Variants in CCSER2 observed in about 807,000 individuals in gnomAD.
The protein encoded by CCSER2 is serine-rich coiled-coil domain-containing protein 2.
CCSER2 carries 46 observed loss-of-function variants against 92.3 expected under a neutral mutation model. The ratio of observed to expected loss-of-function variants is 0.50; its 90% CI spans 0.39 to 0.64. The LOEUF (loss-of-function observed/expected upper bound fraction) is 0.64, where lower values mean the gene tolerates loss of function less well. Among genes scored for constraint, CCSER2 ranks in the 30% least tolerant of loss-of-function variants. The probability of loss-of-function intolerance (pLI) is 0.00; values close to 1 mark genes in which losing one functional copy is unlikely to be tolerated. For synonymous variants in CCSER2, 433 were observed against 431.4 expected, an observed-to-expected ratio of 1.00 and a Z score of -0.04; for missense variants, 1,244 against 1,238.9, an observed-to-expected ratio of 1.00 and a Z score of -0.06.
intron 6 of CCSER2, among the ~76,000 whole-genome samples, chr10:84,442,936 C>A (rs919344341): frequency 1.3e-5 from 2 of 152,184 alleles, no homozygotes; most frequent in African/African-American, 4.8e-5. Context: ...GGAAAACTGG[C>A]TAGCCATATG....
rs184742021 is a variant in CCSER2 at position 84,486,477 on chromosome 10, C to T, written c.2325+8813C>T. Among the ~76,000 whole-genome samples the T allele has an allele frequency of 2.7e-3, 411 of 152,308 alleles. 3 individuals carry two copies. The highest frequency in any genetic ancestry group is 9.1e-3 in the African/African-American group (378 of 41,582). On this transcript the variant is annotated intron_variant, in intron 9 of 9. Coordinates refer to ENST00000372088, the MANE Select transcript of CCSER2 (RefSeq NM_001284240.2). ...GGTATCTCATTGTGGTTTTGATTTG[C>T]ATTTCTGTGATGGCCAGTGATGATG...
chr10:84,453,964 G>A (rs567765583), intron 6 of CCSER2, among the ~76,000 whole-genome samples: 1 of 152,026 alleles, frequency 6.6e-6, no homozygotes, highest in South Asian at 2.1e-4. Context: ...CTTTTTACTT[G>A]CTTTTAGCTG....
At chr10:84,488,058 G>A (rs1035692079) in intron 9 of CCSER2, among the ~76,000 whole-genome samples, 7 of 152,152 alleles carry the variant, frequency 4.6e-5, no homozygotes, top group Admixed American at 6.6e-5. Flanking sequence ...ATTTGCGTAT[G>A]TTGAACCAGC....
chr10:84,489,305 GTCTCATTGA>G (rs1848002046), intron 9 of CCSER2, among the ~76,000 whole-genome samples: 1 of 152,122 alleles, frequency 6.6e-6, no homozygotes, highest in Admixed American at 6.5e-5. Flanking sequence ...TTAACTTTCT[GTCTCATTGA>G]TCTGTCTAAG....
intron 6 of CCSER2, among the ~76,000 whole-genome samples, chr10:84,459,478 T>A (rs1845969621): frequency 6.6e-6 from 1 of 152,166 alleles, no homozygotes; most frequent in Non-Finnish European, 1.5e-5. Context: ...TGTTTCACCA[T>A]TAAATATGAT....
chr10:84,452,018 T>C (rs1434707464), intron 6 of CCSER2, among the ~76,000 whole-genome samples: 2 of 152,214 alleles, frequency 1.3e-5, no homozygotes, highest in Non-Finnish European at 2.9e-5. Flanking sequence ...TGTTCATCTA[T>C]ATACCTTTGT....
intron 3 of CCSER2, among the ~76,000 whole-genome samples, chr10:84,375,054 TAGG>T (rs1846254846): frequency 1.3e-5 from 2 of 152,148 alleles, no homozygotes; most frequent in Admixed American, 6.6e-5. Context: ...GCTGTCTTAC[TAGG>T]AGTTTTAAGG....
chr10:84,339,000 T>C (rs929187010), intron 1 of CCSER2, among the ~76,000 whole-genome samples: 1 of 152,214 alleles, frequency 6.6e-6, no homozygotes, highest in South Asian at 2.1e-4. Flanking sequence ...CACTGATCCA[T>C]GCCCCAAGTT....
At chr10:84,435,408 A>T (rs1440110291) in intron 5 of CCSER2, among the ~76,000 whole-genome samples, 1 of 152,184 alleles carries the variant, frequency 6.6e-6, no homozygotes, top group African/African-American at 2.4e-5. Context: ...TCCATACCTG[A>T]TTCTCATGGC....
chr10:84,494,920 T>C (rs1589812558), intron 9 of CCSER2, among the ~76,000 whole-genome samples: 1 of 151,946 alleles, frequency 6.6e-6, no homozygotes, highest in South Asian at 2.1e-4. Flanking sequence ...GAAAATGAGT[T>C]TATTAGAGAA....
At chr10:84,386,380 TGTG>T (rs1008663407) in intron 3 of CCSER2, among the ~76,000 whole-genome samples, 3 of 152,084 alleles carry the variant, frequency 2.0e-5, no homozygotes, top group African/African-American at 7.2e-5. Context: ...ATAAAGAAAA[TGTG>T]GTGTATATAC....
At chr10:84,347,723 G>A (rs1844599235) in intron 1 of CCSER2, among the ~76,000 whole-genome samples, 1 of 148,630 alleles carries the variant, frequency 6.7e-6, no homozygotes, top group Non-Finnish European at 1.5e-5. Flanking sequence ...GGGCGGAGGG[G>A]CTCCTCACTT....
At chr10:84,436,559 C>T (rs565798000) in intron 5 of CCSER2, among the ~76,000 whole-genome samples, 1 of 149,690 alleles carries the variant, frequency 6.7e-6, no homozygotes, top group East Asian at 2.0e-4. Context: ...GGCATGAATC[C>T]CCGAGGCGGA....
At chr10:84,470,550 A>T (rs1345442921) in intron 8 of CCSER2, 92 bp downstream of exon 8, 8 of 1,115,974 alleles carry the variant, frequency 7.2e-6, no homozygotes, top group Non-Finnish European at 9.3e-6. Context: ...GTTTAGCTTT[A>T]TTTTTGGCTC....
At chr10:84,331,456 C>T (rs1843559021) in intron 1 of CCSER2, among the ~76,000 whole-genome samples, 1 of 152,166 alleles carries the variant, frequency 6.6e-6, no homozygotes, top group Non-Finnish European at 1.5e-5. Context: ...CTCCAGATGC[C>T]CCATAACAAG....
intron 1 of CCSER2, among the ~76,000 whole-genome samples, chr10:84,354,553 G>A (rs1404519438): frequency 1.6e-5 from 1 of 63,962 alleles, no homozygotes; most frequent in African/African-American, 6.9e-5. Context: ...CCCGCCCCCC[G>A]CCCCGCTTCC....
chr10:84,373,134 G>A (rs1430163818), intron 2 of CCSER2, among the ~76,000 whole-genome samples: 2 of 152,056 alleles, frequency 1.3e-5, no homozygotes, highest in Non-Finnish European at 2.9e-5. Context: ...GGTATAATCA[G>A]GGGACTAGAT....
chr10:84,455,606 A>G, intron 6 of CCSER2: 3 of 564,318 alleles, frequency 5.3e-6, no homozygotes. Flanking sequence ...TAAAATAAGA[A>G]CTGTATCAGT....
chr10:84,469,045 GCCTTAAAAATGA>G (rs759390318), intron 7 of CCSER2, among the ~76,000 whole-genome samples: 4 of 152,064 alleles, frequency 2.6e-5, no homozygotes, highest in Admixed American at 2.0e-4. Flanking sequence ...GTCTGTTGAG[GCCTTAAAAATGA>G]TCTTAAATGT....
Sources: gnomAD v4.1 joint callset for allele counts (sites outside exome capture counted in the v4.1 genomes callset) on GRCh38, gnomAD v4.1.1 for gene constraint, MANE v1.5 for transcripts, NCBI Gene and HGNC (gene_info 2026-07-23, HGNC 2026-07-21) for gene names.